WRN: variants seen among roughly 807,000 people sequenced by gnomAD.
WRN encodes the protein WRN RecQ like helicase.
A neutral mutation model predicts 180.7 loss-of-function variants in WRN; 149 were observed. That is an observed-to-expected ratio of 0.82 (90% CI 0.72 to 0.94). The LOEUF is 0.94. Ranked by LOEUF, WRN falls within the 40% of genes least tolerant of loss-of-function variation. The pLI is 0.00. For missense variants in WRN, 1,661 were observed against 1,700.1 expected (o/e 0.98, Z 0.40); for synonymous variants, 548 against 568.9 (o/e 0.96, Z 0.52).
chr8:31,114,969 C>T (rs1034834720), intron 19 of WRN, among the ~76,000 whole-genome samples: 1 of 148,392 alleles, frequency 6.7e-6, no homozygotes, highest in Non-Finnish European at 1.5e-5. Context: ...GATCTTGGCT[C>T]GTTGCAGCCT....
chr8:31,097,101 A>G (rs1814020061), intron 17 of WRN, among the ~76,000 whole-genome samples: 1 of 152,172 alleles, frequency 6.6e-6, no homozygotes, highest in Non-Finnish European at 1.5e-5. Flanking sequence ...CTGCTAGGCT[A>G]TAAACTTTTC....
intron 23 of WRN, among the ~76,000 whole-genome samples, chr8:31,127,441 T>G (rs1801969235): frequency 6.6e-6 from 1 of 152,076 alleles, no homozygotes; most frequent in South Asian, 2.1e-4. Context: ...AAAAACAAAT[T>G]ATTTACCTGG....
At chr8:31,062,408 A>AT (rs1812522039) in intron 3 of WRN, among the ~76,000 whole-genome samples, 3 of 144,390 alleles carry the variant, frequency 2.1e-5, no homozygotes, top group South Asian at 4.4e-4. Context: ...AATTTTCTTC[A>AT]ATTTTTTTTT....
At chr8:31,090,745 G>A in intron 14 of WRN, 89 bp from the exon 15 acceptor site, 3 of 1,194,652 alleles carry the variant, frequency 2.5e-6, no homozygotes, top group Non-Finnish European at 3.6e-6. Flanking sequence ...ATCTGTATAA[G>A]TACATTGTAA....
intron 28 of WRN, among the ~76,000 whole-genome samples, chr8:31,144,781 G>T (rs1802795908): frequency 6.6e-6 from 1 of 152,204 alleles, no homozygotes; most frequent in Non-Finnish European, 1.5e-5. Context: ...CAGTTAGTTT[G>T]CAAAGGCAAA....
intron 7 of WRN, among the ~76,000 whole-genome samples, chr8:31,071,602 C>T (rs921538244): frequency 1.3e-5 from 2 of 152,160 alleles, no homozygotes; most frequent in Non-Finnish European, 2.9e-5. Flanking sequence ...CTGCCTCAGC[C>T]TCCTGAGTAA....
At position 31,157,418 on chromosome 8, in the gene WRN, C is replaced by T. The variant is rs750364571; in HGVS notation, c.3870C>T (p.His1290=). 1 of 1,614,108 alleles carries T rather than the reference C, an allele frequency of 6.2e-7. No homozygotes were observed. Among genetic ancestry groups the T allele is most frequent in the Non-Finnish European group, 8.5e-7 (1 of 1,180,020 alleles). ...TGCCTCTCATGACAATTGGCATGCA[C>T]TTATCCCAAGCGGTGAAAGCTGGCT... ...RILPLMTIGM[H]LSQAVKAGCP... is the part of the protein sequence containing the mutation. Residue 1290 remains histidine, a synonymous_variant, in exon 33 of 35, where the codon CAC becomes CAT. Transcript: ENST00000298139.
At chr8:31,047,169 G>T in intron 1 of WRN, among the ~76,000 whole-genome samples, 1 of 140,294 alleles carries the variant, frequency 7.1e-6, no homozygotes, top group Non-Finnish European at 1.5e-5. Flanking sequence ...TTGAGGCAAG[G>T]TCTCACTCTT....
At chr8:31,123,210 T>C (rs540071264) in intron 21 of WRN, among the ~76,000 whole-genome samples, 4 of 152,198 alleles carry the variant, frequency 2.6e-5, no homozygotes, top group African/African-American at 9.6e-5. Context: ...TGTTAGTCAC[T>C]TGTTGCAGTA....
chr8:31,088,076 C>T (rs1585437287), intron 12 of WRN, among the ~76,000 whole-genome samples, 156 bp downstream of exon 12: 1 of 152,090 alleles, frequency 6.6e-6, no homozygotes, highest in Non-Finnish European at 1.5e-5. Flanking sequence ...GTGCTTTTGT[C>T]TCCATAAAGC....
intron 30 of WRN, among the ~76,000 whole-genome samples, chr8:31,147,954 C>A (rs1802933455): frequency 6.8e-6 from 1 of 147,534 alleles, no homozygotes; most frequent in African/African-American, 2.5e-5. Context: ...GTGGTGCGAT[C>A]ACTGCTCACT....
At chr8:31,095,246 T>G in intron 16 of WRN, among the ~76,000 whole-genome samples, 1 of 150,734 alleles carries the variant, frequency 6.6e-6, no homozygotes, top group Admixed American at 6.7e-5. Flanking sequence ...TTTGAGGGAG[T>G]ATCTGTTCAA....
rs907908372 is a variant in WRN at position 31,157,677 on chromosome 8, C to T, written c.3982+147C>T. On this transcript the variant is annotated intron_variant, in intron 33 of 34. Coordinates refer to ENST00000298139, the MANE Select transcript of WRN (RefSeq NM_000553.6). ...GATTCTTTTTCTTGTTTTAGGAAAA[C>T]AATCTTTCTTCCCATTATCACTCAG... 3.9e-6 allele frequency: 5 copies of T among 1,271,770 alleles called. No individual in the cohort carries two copies. The African/African-American group carries it at 7.4e-5, about 19-fold the overall frequency. The allele number at this position is 1,271,770 out of a possible 1,614,324, so 78.8% of individuals were successfully genotyped here.
Position 31,061,770 on chromosome 8 carries a change from C to T in WRN, c.209+2505C>T, listed in dbSNP as rs113784798. ...TTTGTAGACTGCCTCTGGTGATCAA[C>T]GATCTCTTCTCTGACTTTTCAGAAC... On this transcript the variant is annotated intron_variant, in intron 3 of 34. Transcript: ENST00000298139. Among the ~76,000 whole-genome samples the T allele has an allele frequency of 8.1e-4, 123 of 152,222 alleles. 1 individual carries two copies. Among genetic ancestry groups the T allele is most frequent in the African/African-American group, 2.8e-3 (117 of 41,542 alleles).
chr8:31,062,409 AT>A (rs3056741), intron 3 of WRN, among the ~76,000 whole-genome samples: 7,210 of 139,644 alleles, frequency 0.052, 419 homozygotes, highest in African/African-American at 0.15. Flanking sequence ...ATTTTCTTCA[AT>A]TTTTTTTTTT....
intron 20 of WRN, 28 bp from the exon 21 acceptor site, chr8:31,120,215 G>A (rs374940409): frequency 8.7e-6 from 14 of 1,611,576 alleles, no homozygotes; most frequent in African/African-American, 1.3e-5. Flanking sequence ...AAATATGTTT[G>A]TCAAACTGTG....
intron 30 of WRN, among the ~76,000 whole-genome samples, chr8:31,147,950 C>T (rs1046054541): frequency 1.4e-5 from 2 of 144,374 alleles, no homozygotes; most frequent in African/African-American, 5.1e-5. Flanking sequence ...TGTAGTGGTG[C>T]GATCACTGCT....
chr8:31,088,345 G>A (rs978737267), intron 12 of WRN, among the ~76,000 whole-genome samples: 1 of 152,108 alleles, frequency 6.6e-6, no homozygotes, highest in Non-Finnish European at 1.5e-5. Flanking sequence ...TAACTTCATT[G>A]TGCTGTGCAG....
chr8:31,061,138 C>A (rs1812470609), intron 3 of WRN, among the ~76,000 whole-genome samples: 1 of 152,102 alleles, frequency 6.6e-6, no homozygotes, highest in East Asian at 1.9e-4. Flanking sequence ...GAGGCTCTTT[C>A]CTTTCAGTCT....
Sources: gnomAD v4.1 joint callset for allele counts (sites outside exome capture counted in the v4.1 genomes callset) on GRCh38, gnomAD v4.1.1 for gene constraint, MANE v1.5 for transcripts, NCBI Gene and HGNC (gene_info 2026-07-23, HGNC 2026-07-21) for gene names.